Variants in FAM53B observed in about 807,000 individuals in gnomAD.
FAM53B encodes protein FAM53B.
A neutral mutation model predicts 32.7 loss-of-function variants in FAM53B; 12 were observed. The observed-to-expected ratio is 0.37, with a 90% CI of 0.24 to 0.59. FAM53B has a LOEUF of 0.59. FAM53B is among the 20% of genes least tolerant of loss of function. FAM53B has a pLI of 0.72. For synonymous variants in FAM53B, 234 were observed against 228.7 expected, an observed-to-expected ratio of 1.02 and a Z score of -0.21; for missense variants, 477 against 577.7, an observed-to-expected ratio of 0.83 and a Z score of 1.79.
At chr10:124,643,416 T>G (rs1378268849) in intron 4 of FAM53B, among the ~76,000 whole-genome samples, 3 of 152,218 alleles carry the variant, frequency 2.0e-5, no homozygotes, top group Non-Finnish European at 4.4e-5. Context: ...CTCGGCGCGG[T>G]GATTGCGCCT....
intron 4 of FAM53B, among the ~76,000 whole-genome samples, chr10:124,629,782 A>G (rs1308421465): frequency 1.3e-5 from 2 of 152,240 alleles, no homozygotes; most frequent in African/African-American, 4.8e-5. Flanking sequence ...ATTTCAGAAA[A>G]GAAAAAAAGG....
In FAM53B at chr10:124,696,202, T is replaced by C; in HGVS notation, c.89A>G (p.Lys30Arg). The stretch of plus-strand genomic sequence containing the variant: ...AAGTGTAGGTCCTTGACTCATCTTC[T>C]TTGGCGTGTGCTGAAAACAACCAGA... ...GTFSRELHTP[K>R]KMSQGPTLFS... Residue 30 changes from lysine to arginine, a missense_variant, in exon 3 of 5, where the codon AAG becomes AGG. Lys to Arg is a conservative substitution (Grantham distance 26, BLOSUM62 2). Coordinates refer to ENST00000337318, the MANE Select transcript of FAM53B (RefSeq NM_014661.4). 1 of 1,613,952 alleles carries C rather than the reference T, an allele frequency of 6.2e-7. No individual in the cohort carries two copies. The highest frequency in any genetic ancestry group is 8.5e-7 in the Non-Finnish European group (1 of 1,179,900).
intron 1 of FAM53B, among the ~76,000 whole-genome samples, chr10:124,727,312 G>T (rs1439182940): frequency 4.8e-5 from 6 of 125,694 alleles, no homozygotes; most frequent in Non-Finnish European, 1.0e-4. Context: ...TACACTAGGT[G>T]AAGCACCTGA....
chr10:124,642,503 G>T (rs372573396), intron 4 of FAM53B, among the ~76,000 whole-genome samples: 1 of 152,232 alleles, frequency 6.6e-6, no homozygotes, highest in Non-Finnish European at 1.5e-5. Context: ...GAAGCTGCCC[G>T]GTGGCCCAAC....
In FAM53B at chr10:124,620,818, T is replaced by C. The variant is rs1949305757; in HGVS notation, c.*2424A>G. Reference sequence around the variant, plus strand: ...AAGGGATAGCCACCATTTTCTCCCCTGACTGCTGCGTGGTGGGCACAGGAC... The same window carrying C: ...AAGGGATAGCCACCATTTTCTCCCCCGACTGCTGCGTGGTGGGCACAGGAC... On this transcript the variant is annotated 3_prime_UTR_variant, in exon 5 of 5. Transcript: ENST00000337318. 1 of 152,410 alleles carries C rather than the reference T, an allele frequency of 6.6e-6. No individual in the cohort carries two copies. The highest frequency in any genetic ancestry group is 1.9e-4 in the East Asian group (1 of 5,200). The allele number at this position is 152,410 out of a possible 1,614,324, so 9.4% of individuals were successfully genotyped here.
chr10:124,642,353 C>T (rs1949481763), intron 4 of FAM53B, among the ~76,000 whole-genome samples: 1 of 152,212 alleles, frequency 6.6e-6, no homozygotes, highest in Non-Finnish European at 1.5e-5. Flanking sequence ...CACTCTCACA[C>T]CAACGCCTCT....
intron 4 of FAM53B, among the ~76,000 whole-genome samples, chr10:124,641,685 C>T (rs1012083689): frequency 6.6e-6 from 1 of 152,344 alleles, no homozygotes; most frequent in Middle Eastern, 3.4e-3. Context: ...ACCCCCAACA[C>T]ACTGGATCCA....
At chr10:124,707,932 G>A (rs1949972677) in intron 1 of FAM53B, 1 of 152,114 alleles carries the variant, frequency 6.6e-6, no homozygotes, top group South Asian at 2.1e-4. Context: ...GCCCCTCTCC[G>A]ATAACCCACC....
At chr10:124,697,610 C>T (rs948485073) in intron 2 of FAM53B, among the ~76,000 whole-genome samples, 8 of 152,120 alleles carry the variant, frequency 5.3e-5, no homozygotes, top group African/African-American at 1.7e-4. Context: ...TCATGGAAGA[C>T]GGTCACAGAC....
At chr10:124,640,468 T>C (rs897302) in intron 4 of FAM53B, among the ~76,000 whole-genome samples, 143,832 of 152,246 alleles carry the variant, frequency 0.94, 68,427 homozygotes, top group Non-Finnish European at 1. Context: ...CTTAAATCCA[T>C]GTGTTTCTTC....
At chr10:124,691,355 C>A (rs1168418689) in intron 3 of FAM53B, among the ~76,000 whole-genome samples, 1 of 152,224 alleles carries the variant, frequency 6.6e-6, no homozygotes, top group Admixed American at 6.5e-5. Flanking sequence ...AATATTTTTA[C>A]AATTCCTTTT....
intron 1 of FAM53B, among the ~76,000 whole-genome samples, chr10:124,729,883 A>G (rs967513973): frequency 3.3e-5 from 5 of 152,090 alleles, no homozygotes; most frequent in Non-Finnish European, 5.9e-5. Context: ...ATTTGCCTTC[A>G]CCCCTCAGAA....
At chr10:124,657,406 T>C (rs1404179604) in intron 4 of FAM53B, among the ~76,000 whole-genome samples, 2 of 152,126 alleles carry the variant, frequency 1.3e-5, no homozygotes, top group Non-Finnish European at 2.9e-5. Flanking sequence ...GTGGAATCCA[T>C]GGACTCCTGG....
rs547108267 is a variant in FAM53B at position 124,682,825 on chromosome 10, G to A, written c.134-446C>T. ...TCTGCAGCTCTCAGGACTGGGACTC[G>A]ATGCCCTGGCAGAAGACCACAACCA... is the stretch of plus-strand genomic sequence containing the variant. On this transcript the variant is annotated intron_variant, in intron 3 of 4. Coordinates refer to ENST00000337318, the MANE Select transcript of FAM53B (RefSeq NM_014661.4). The surrounding 1 kb of genome is among the most constrained non-coding windows in gnomAD (Gnocchi z 5.2). Among the ~76,000 whole-genome samples the A allele has an allele frequency of 3.3e-5, 5 of 152,350 alleles. No individual in the cohort carries two copies. The highest frequency in any genetic ancestry group is 3.4e-3 in the Middle Eastern group (1 of 294).
intron 3 of FAM53B, among the ~76,000 whole-genome samples, chr10:124,684,029 C>T (rs775441296): frequency 3.3e-5 from 5 of 152,206 alleles, no homozygotes; most frequent in Admixed American, 3.3e-4. Context: ...TCTTGGGCAT[C>T]CTGCCAAGGT....
Position 124,651,036 on chromosome 10 carries a change from C to A in FAM53B, c.907-27432G>T, listed in dbSNP as rs1949552545. ...CCAGACACTGGGAGCCCCCCAATCT[C>A]CCTTCAGAGGCCACTTCCTGCCCAA... On this transcript the variant is annotated intron_variant, in intron 4 of 4. Coordinates refer to ENST00000337318, the MANE Select transcript of FAM53B (RefSeq NM_014661.4). This position sits in a 1 kb window ranked among gnomAD's most constrained non-coding sequence, Gnocchi z 5.2. 6.6e-6 allele frequency among the ~76,000 whole-genome samples: 1 copy of A among 152,104 alleles called. No individual in the cohort carries two copies. The highest frequency in any genetic ancestry group is 1.5e-5 in the Non-Finnish European group (1 of 68,032).
At chr10:124,716,237 G>A (rs369062487) in intron 1 of FAM53B, among the ~76,000 whole-genome samples, 2 of 152,152 alleles carry the variant, frequency 1.3e-5, no homozygotes, top group Non-Finnish European at 2.9e-5. Flanking sequence ...AAAGGCCACC[G>A]AAGGCCACAC....
chr10:124,623,479 G>A lies in FAM53B; in HGVS notation c.1032C>T (p.Gly344=). ...RAWTALLSAS[G]PGGRTPAGTP... is the part of the protein sequence containing the mutation. ...TCCCAGCGGGGGTCCTGCCCCCTGGGCCGGAGGCTGAGAGCAGGGCGGTCC... is the reference window on the plus strand; with the variant it reads ...TCCCAGCGGGGGTCCTGCCCCCTGGACCGGAGGCTGAGAGCAGGGCGGTCC... Residue 344 remains glycine, a synonymous_variant, in exon 5 of 5, where the codon GGC becomes GGT. Coordinates refer to ENST00000337318, the MANE Select transcript of FAM53B (RefSeq NM_014661.4). 6.3e-7 allele frequency: 1 copy of A among 1,586,178 alleles called. No homozygotes were observed. Among genetic ancestry groups the A allele is most frequent in the Non-Finnish European group, 8.6e-7 (1 of 1,167,314 alleles).
intron 2 of FAM53B, among the ~76,000 whole-genome samples, chr10:124,697,195 T>A (rs925971223): frequency 1.3e-5 from 2 of 152,090 alleles, no homozygotes; most frequent in African/African-American, 4.8e-5. Context: ...CACGGGCTGG[T>A]GATTCTTCCT....
Sources: allele counts gnomAD v4.1 joint callset (sites outside exome capture counted in the v4.1 genomes callset), GRCh38; gene constraint gnomAD v4.1.1; non-coding constraint Gnocchi (gnomAD v3.1); transcripts MANE v1.5; gene names NCBI Gene and HGNC (gene_info 2026-07-23, HGNC 2026-07-21).